SERGEF: variants seen among roughly 807,000 people sequenced by gnomAD.
The protein encoded by SERGEF is secretion-regulating guanine nucleotide exchange factor.
SERGEF carries 51 observed loss-of-function variants against 50.0 expected under a neutral mutation model. The observed-to-expected ratio is 1.02, with a 90% CI of 0.81 to 1.29. The LOEUF is 1.29. Among genes scored for constraint, SERGEF ranks in the 50% most tolerant of loss-of-function variants. The pLI, the probability that SERGEF is intolerant of heterozygous loss-of-function variation, is 0.00. For missense variants in SERGEF, 521 were observed against 557.0 expected, an observed-to-expected ratio of 0.94 and a Z score of 0.65; for synonymous variants, 205 against 212.4, an observed-to-expected ratio of 0.97 and a Z score of 0.30.
In SERGEF at chr11:17,804,128, C is replaced by T. The variant is rs192214240; in HGVS notation, c.1049-15715G>A. ...ATCTCCAACTCTCAGAAGTAGGACA[C>T]TATTTTTCAAACAGTGGCCCGATGA... On this transcript the variant is annotated intron_variant, in intron 10 of 10. Coordinates refer to ENST00000265965, the MANE Select transcript of SERGEF (RefSeq NM_012139.4). Among the ~76,000 whole-genome samples, 12 of 152,318 alleles carry T rather than the reference C, an allele frequency of 7.9e-5. No homozygotes were observed. The East Asian group carries it at 2.1e-3, about 27-fold the overall frequency.
chr11:18,004,592 T>C (rs1854034460), intron 3 of SERGEF, 57 bp from the exon 4 acceptor site: 1 of 1,229,576 alleles, frequency 8.1e-7, no homozygotes, highest in Non-Finnish European at 1.2e-6. Context: ...CTGTGACCAA[T>C]GGGTAAATGC....
intron 9 of SERGEF, among the ~76,000 whole-genome samples, chr11:17,879,036 T>C (rs898627667): frequency 1.3e-5 from 2 of 152,222 alleles, no homozygotes; most frequent in Admixed American, 6.5e-5. Flanking sequence ...TTTGAGAACA[T>C]GGTTGAGTCT....
chr11:17,950,939 T>C (rs541518489), intron 9 of SERGEF, among the ~76,000 whole-genome samples: 31 of 152,270 alleles, frequency 2.0e-4, no homozygotes, highest in African/African-American at 6.7e-4. Flanking sequence ...TCAGTGCTGA[T>C]GAATTTCCTC....
chr11:17,997,957 T>C (rs1277244648), intron 5 of SERGEF, among the ~76,000 whole-genome samples: 2 of 152,126 alleles, frequency 1.3e-5, no homozygotes, highest in Non-Finnish European at 2.9e-5. Flanking sequence ...TGGATGGTGG[T>C]GGTGATTGCA....
At chr11:17,815,720 G>A (rs899888906) in intron 10 of SERGEF, among the ~76,000 whole-genome samples, 45 of 151,534 alleles carry the variant, frequency 3.0e-4, no homozygotes, top group Non-Finnish European at 4.0e-4. Context: ...TCAAGAGATC[G>A]AGACCATCCT....
chr11:17,920,262 A>G (rs1193126246), intron 9 of SERGEF, among the ~76,000 whole-genome samples: 1 of 152,084 alleles, frequency 6.6e-6, no homozygotes, highest in East Asian at 1.9e-4. Context: ...CAAACAAACA[A>G]ACAAAACAGC....
chr11:18,003,845 T>C (rs1854018174), intron 4 of SERGEF, among the ~76,000 whole-genome samples: 1 of 152,188 alleles, frequency 6.6e-6, no homozygotes, highest in Non-Finnish European at 1.5e-5. Context: ...ATTAAGTACA[T>C]AGTTTCTTTT....
intron 8 of SERGEF, among the ~76,000 whole-genome samples, chr11:17,983,437 G>C (rs1468412283): frequency 3.3e-5 from 5 of 152,152 alleles, no homozygotes; most frequent in Admixed American, 2.6e-4. Flanking sequence ...GAGAGCTCAA[G>C]AGTTTCCAAA....
At chr11:17,914,978 C>T (rs1399772450) in intron 9 of SERGEF, among the ~76,000 whole-genome samples, 1 of 152,208 alleles carries the variant, frequency 6.6e-6, no homozygotes, top group East Asian at 1.9e-4. Context: ...AAGAGGTCCT[C>T]TCTTAGAGAA....
intron 10 of SERGEF, among the ~76,000 whole-genome samples, chr11:17,822,308 C>T (rs957229894): frequency 6.6e-6 from 1 of 152,266 alleles, no homozygotes; most frequent in South Asian, 2.1e-4. Flanking sequence ...ATGCATTCTC[C>T]GTATCACAGG....
intron 10 of SERGEF, among the ~76,000 whole-genome samples, chr11:17,873,815 G>A (rs529222761): frequency 6.6e-5 from 10 of 152,308 alleles, no homozygotes; most frequent in African/African-American, 2.4e-4. Flanking sequence ...CAGGGAGAGA[G>A]GAAACGCAGT....
chr11:17,790,233 C>A (rs571919219), intron 10 of SERGEF, among the ~76,000 whole-genome samples: 1 of 152,194 alleles, frequency 6.6e-6, no homozygotes, highest in Non-Finnish European at 1.5e-5. Context: ...GAAGTTGGTG[C>A]ACATCATTTG....
At chr11:18,009,118 C>A (rs957282750) in intron 1 of SERGEF, among the ~76,000 whole-genome samples, 1 of 152,098 alleles carries the variant, frequency 6.6e-6, no homozygotes, top group Non-Finnish European at 1.5e-5. Flanking sequence ...AATAATAATT[C>A]GCTCACCAGA....
intron 10 of SERGEF, among the ~76,000 whole-genome samples, chr11:17,840,341 A>G (rs1479034800): frequency 1.3e-5 from 2 of 152,178 alleles, no homozygotes; most frequent in Non-Finnish European, 2.9e-5. Context: ...AATGTTCTTA[A>G]AGCATGTATC....
intron 10 of SERGEF, chr11:17,853,571 C>G (rs1189283698): frequency 6.6e-6 from 1 of 152,204 alleles, no homozygotes; most frequent in East Asian, 1.9e-4. Context: ...ACAACTCCAT[C>G]TGGTTTTTCC....
chr11:17,934,280 G>T (rs1273648420), intron 9 of SERGEF, among the ~76,000 whole-genome samples: 1 of 152,104 alleles, frequency 6.6e-6, no homozygotes, highest in Non-Finnish European at 1.5e-5. Flanking sequence ...AGCAAAACAA[G>T]AGCTTGCAAT....
intron 9 of SERGEF, among the ~76,000 whole-genome samples, chr11:17,935,045 A>G (rs1852425099): frequency 6.6e-6 from 1 of 152,194 alleles, no homozygotes; most frequent in South Asian, 2.1e-4. Flanking sequence ...GCCAGTAGGC[A>G]GCCAAGTGAT....
chr11:17,824,846 T>C (rs1328041284), intron 10 of SERGEF, among the ~76,000 whole-genome samples: 1 of 152,206 alleles, frequency 6.6e-6, no homozygotes, highest in Non-Finnish European at 1.5e-5. Context: ...TACAGTCACA[T>C]TGGGGGTTAG....
intron 9 of SERGEF, among the ~76,000 whole-genome samples, chr11:17,882,810 G>T (rs765349945): frequency 6.6e-6 from 1 of 152,186 alleles, no homozygotes; most frequent in Non-Finnish European, 1.5e-5. Flanking sequence ...AGCATTAGAA[G>T]GATACAGCAT....
Sources: gnomAD v4.1 joint callset for allele counts (sites outside exome capture counted in the v4.1 genomes callset) on GRCh38, gnomAD v4.1.1 for gene constraint, MANE v1.5 for transcripts, NCBI Gene and HGNC (gene_info 2026-07-23, HGNC 2026-07-21) for gene names.